ESRRB: variants seen among roughly 807,000 people sequenced by gnomAD.
ESRRB encodes the protein steroid hormone receptor ERR2.
ESRRB carries 16 observed loss-of-function variants against 46.0 expected under a neutral mutation model. That is an observed-to-expected ratio of 0.35 (90% confidence interval 0.24 to 0.53). ESRRB has a LOEUF of 0.53. ESRRB is among the 20% of genes least tolerant of loss of function. ESRRB has a pLI of 0.93. For missense variants in ESRRB, 488 were observed against 607.4 expected (o/e 0.80, Z 2.07); for synonymous variants, 246 against 259.6 (o/e 0.95, Z 0.50).
chr14:76,353,504 A>G (rs1043574102), intron 1 of ESRRB, among the ~76,000 whole-genome samples: 7 of 152,150 alleles, frequency 4.6e-5, no homozygotes, highest in Admixed American at 4.6e-4. Context: ...CTTCATCATC[A>G]TCATCATTTA....
upstream of ESRRB, among the ~76,000 whole-genome samples, chr14:76,369,397 C>T (rs544988929): frequency 6.6e-6 from 1 of 151,422 alleles, no homozygotes; most frequent in African/African-American, 2.4e-5. Flanking sequence ...GCTAAGCCTC[C>T]CGAGTAGCTG....
intron 2 of ESRRB, among the ~76,000 whole-genome samples, chr14:76,447,790 C>T (rs1224312923): frequency 2.0e-5 from 3 of 152,134 alleles, no homozygotes; most frequent in Admixed American, 6.5e-5. Flanking sequence ...GATCACTTGA[C>T]CCAGCAGCTT....
chr14:76,329,652 C>T (rs1432062286), intron 1 of ESRRB, among the ~76,000 whole-genome samples: 1 of 152,070 alleles, frequency 6.6e-6, no homozygotes, highest in Non-Finnish European at 1.5e-5. Context: ...CCTCTCAACT[C>T]CCCCCACCAC....
rs76265325 is a variant in ESRRB, at chr14:76,330,922, C to T, written c.2+20006C>T. 5.4e-3 allele frequency among the ~76,000 whole-genome samples: 815 copies of T among 152,176 alleles called. 14 individuals carry two copies. The highest frequency in any genetic ancestry group is 0.018 in the African/African-American group (751 of 41,506). On this transcript the variant is annotated intron_variant, in intron 1 of 6. Transcript: ENST00000512784. ...AGACTCGGTCTTCATCTCTTGTACC[C>T]CCAAATCAATAGCAGTAGCAACCCC...
At chr14:76,427,050 A>G (rs572039337) in intron 1 of ESRRB, among the ~76,000 whole-genome samples, 1 of 152,298 alleles carries the variant, frequency 6.6e-6, no homozygotes, top group Non-Finnish European at 1.5e-5. Context: ...AATTGCCAAC[A>G]GTAACTGGGG....
chr14:76,425,880 C>T (rs1054191834), intron 1 of ESRRB, among the ~76,000 whole-genome samples: 1 of 152,104 alleles, frequency 6.6e-6, no homozygotes, highest in Non-Finnish European at 1.5e-5. Flanking sequence ...CCCACCACCA[C>T]GCCCAGCTAA....
At chr14:76,436,668 A>T (rs1359270808) in intron 1 of ESRRB, among the ~76,000 whole-genome samples, 1 of 152,124 alleles carries the variant, frequency 6.6e-6, no homozygotes, top group African/African-American at 2.4e-5. Flanking sequence ...CCTGCAGCTG[A>T]TGGCCTGCCA....
chr14:76,438,907 C>T (rs1237937172), intron 1 of ESRRB, among the ~76,000 whole-genome samples: 1 of 151,988 alleles, frequency 6.6e-6, no homozygotes, highest in Admixed American at 6.6e-5. Flanking sequence ...CTCAAGCAAT[C>T]CTCCCTCCTC....
At position 76,462,673 on chromosome 14, in the gene ESRRB, C is replaced by T. The variant is rs760423634; in HGVS notation, c.577+12C>T. 6.3e-7 allele frequency: 1 copy of T among 1,595,120 alleles called. No homozygotes were observed. The highest frequency in any genetic ancestry group is 1.3e-5 in the African/African-American group (1 of 74,658). On this transcript the variant is annotated intron_variant, in intron 3 of 6. Coordinates refer to ENST00000644823, the MANE Select transcript of ESRRB (RefSeq NM_001379180.1). ...GATGCTGAAGGAAGGTAAGAGACCCCACCGAGTCGGGGTTCACTGTGAGGC... is the reference window on the plus strand; with the variant it reads ...GATGCTGAAGGAAGGTAAGAGACCCTACCGAGTCGGGGTTCACTGTGAGGC...
Position 76,474,411 on chromosome 14 carries a change from A to C in ESRRB, c.578-7605A>C, listed in dbSNP as rs558328899. Among the ~76,000 whole-genome samples, 136 of 152,336 alleles carry C rather than the reference A, an allele frequency of 8.9e-4. 1 individual carries two copies. Among genetic ancestry groups the C allele is most frequent in the African/African-American group, 3.2e-3 (132 of 41,578 alleles). Reference sequence around the variant, plus strand: ...TAACAGCTTTATTGAAATATAGTTCACCCATTTAAAGTATACAGTTTGATA... The same window carrying C: ...TAACAGCTTTATTGAAATATAGTTCCCCCATTTAAAGTATACAGTTTGATA... On this transcript the variant is annotated intron_variant, in intron 3 of 6. Coordinates refer to ENST00000644823, the MANE Select transcript of ESRRB (RefSeq NM_001379180.1).
intron 5 of ESRRB, among the ~76,000 whole-genome samples, chr14:76,489,433 G>A (rs1028045237): frequency 2.7e-5 from 2 of 75,348 alleles, no homozygotes; most frequent in Admixed American, 1.5e-4. Context: ...CCCATGCAGG[G>A]AATCTGGACA....
At chr14:76,400,027 A>G (rs1356790283) in intron 1 of ESRRB, among the ~76,000 whole-genome samples, 1 of 152,202 alleles carries the variant, frequency 6.6e-6, no homozygotes, top group Non-Finnish European at 1.5e-5. Flanking sequence ...TTACCAGCCA[A>G]ACCTGCAAAT....
Position 76,499,973 on chromosome 14 carries a change from C to T in ESRRB, c.*1515C>T, listed in dbSNP as rs751936278. On this transcript the variant is annotated 3_prime_UTR_variant, in exon 7 of 7. Coordinates refer to ENST00000644823, the MANE Select transcript of ESRRB (RefSeq NM_001379180.1). ...TCACAAGCAGGGATCAGAGCAACTC[C>T]CCGGGGATCCCCAATCCACGCCCTT... 6.2e-7 allele frequency: 1 copy of T among 1,601,028 alleles called. No individual in the cohort carries two copies. The highest frequency in any genetic ancestry group is 1.7e-5 in the Admixed American group (1 of 57,784).
At chr14:76,486,848 C>G (rs1431877529) in intron 5 of ESRRB, among the ~76,000 whole-genome samples, 1 of 152,196 alleles carries the variant, frequency 6.6e-6, no homozygotes, top group Non-Finnish European at 1.5e-5. Context: ...TCAGGGGCCT[C>G]TTGGTCCCAG....
At chr14:76,498,096 A>C (rs1890500851) in intron 6 of ESRRB, 118 bp from the exon 7 acceptor site, 12 of 1,192,856 alleles carry the variant, frequency 1.0e-5, no homozygotes, top group Admixed American at 8.5e-5. Context: ...CTCTGTGAAG[A>C]GAGGGTTCTG....
chr14:76,500,810 GCCCCTC>G lies in ESRRB; in HGVS notation c.*2353_*2358del. The stretch of plus-strand genomic sequence containing the variant: ...TTGCTGCGAGTGACCTCACTTCAGA[GCCCCTC>G]TAGCAGAGTGGGGCGGAAGTCCTGA... On this transcript the variant is annotated 3_prime_UTR_variant, in exon 7 of 7. Transcript: ENST00000644823. 6.9e-7 allele frequency: 1 copy of G among 1,443,900 alleles called. No homozygotes were observed. Among genetic ancestry groups the G allele is most frequent in the Non-Finnish European group, 9.8e-7 (1 of 1,024,920 alleles). The allele number at this position is 1,443,900 out of a possible 1,614,324, so 89.4% of individuals were successfully genotyped here. A position where few individuals can be genotyped will look rare whatever the true frequency, so the allele number is the denominator to read the frequency against.
chr14:76,466,103 A>T (rs1002543035), intron 3 of ESRRB, among the ~76,000 whole-genome samples: 1 of 151,404 alleles, frequency 6.6e-6, no homozygotes, highest in African/African-American at 2.4e-5. Flanking sequence ...CTCTGACGGG[A>T]CTCTAAAAGG....
At chr14:76,495,509 A>C (rs1250348897) in intron 6 of ESRRB, 1 of 147,168 alleles carries the variant, frequency 6.8e-6, no homozygotes, top group African/African-American at 2.5e-5. Context: ...CCCTCTTGCT[A>C]TCAAGTAGAT....
In ESRRB at chr14:76,499,340, C is replaced by G. The variant is rs1316295388; in HGVS notation, c.*882C>G. On this transcript the variant is annotated 3_prime_UTR_variant, in exon 7 of 7. Coordinates refer to ENST00000644823, the MANE Select transcript of ESRRB (RefSeq NM_001379180.1). Reference sequence around the variant, plus strand: ...TCCCCCTCTCCCTGAAGGGCAGGTCCAGGCCAAGTGAGCCTGTGAGAAGCT... The same window carrying G: ...TCCCCCTCTCCCTGAAGGGCAGGTCGAGGCCAAGTGAGCCTGTGAGAAGCT... The G allele has an allele frequency of 1.6e-5, 4 of 249,320 alleles. No homozygotes were observed. Among genetic ancestry groups the G allele is most frequent in the Non-Finnish European group, 3.1e-5 (4 of 127,302 alleles). 15.4% of individuals were successfully genotyped at this position (249,320 alleles called of 1,614,324 possible).
Sources: allele counts gnomAD v4.1 joint callset (sites outside exome capture counted in the v4.1 genomes callset), GRCh38; gene constraint gnomAD v4.1.1; transcripts MANE v1.5; gene names NCBI Gene and HGNC (gene_info 2026-07-23, HGNC 2026-07-21).